The following CADPS variants were observed in gnomAD, a reference collection of about 807,000 sequenced individuals.
The protein encoded by CADPS is calcium dependent secretion activator.
Under a neutral mutation model 167.3 loss-of-function variants are expected in CADPS, and 57 were observed. The observed-to-expected ratio is 0.34, with a 90% CI of 0.28 to 0.42. The LOEUF is 0.42. Among genes scored for constraint, CADPS ranks in the 20% least tolerant of loss-of-function variants. CADPS has a pLI of 1.00. For synonymous variants in CADPS, 676 were observed against 635.3 expected (o/e 1.06, Z -0.96); for missense variants, 1,414 against 1,738.1 (o/e 0.81, Z 3.32).
At chr3:62,587,289 A>AT (rs1562519281) in intron 7 of CADPS, among the ~76,000 whole-genome samples, 1 of 152,244 alleles carries the variant, frequency 6.6e-6, no homozygotes, top group Non-Finnish European at 1.5e-5. Flanking sequence ...GAACTGCAAC[A>AT]TATCATAGGA....
At chr3:62,405,599 A>G (rs1304219650) in intron 28 of CADPS, among the ~76,000 whole-genome samples, 1 of 152,180 alleles carries the variant, frequency 6.6e-6, no homozygotes, top group Admixed American at 6.5e-5. Flanking sequence ...TCGGCTGCCG[A>G]AAGGATAGGG....
intron 13 of CADPS, among the ~76,000 whole-genome samples, chr3:62,528,759 A>G (rs966388777): frequency 6.6e-6 from 1 of 152,228 alleles, no homozygotes; most frequent in African/African-American, 2.4e-5. Flanking sequence ...AGAGCTTTGG[A>G]CTTAGAACAT....
chr3:62,759,552 A>T (rs995272334), intron 2 of CADPS, among the ~76,000 whole-genome samples: 1 of 152,178 alleles, frequency 6.6e-6, no homozygotes, highest in Admixed American at 6.6e-5. Context: ...AGAGTATGCC[A>T]TTTGTGTGAC....
At chr3:62,445,674 G>T in intron 27 of CADPS, 91 bp downstream of exon 27, 3 of 799,672 alleles carry the variant, frequency 3.8e-6, no homozygotes, top group Admixed American at 3.5e-5. Flanking sequence ...AATATGAGTA[G>T]CACTATCAAA....
chr3:62,799,230 G>T (rs2093625902), intron 1 of CADPS, among the ~76,000 whole-genome samples: 1 of 152,052 alleles, frequency 6.6e-6, no homozygotes, highest in Non-Finnish European at 1.5e-5. Context: ...TAAACAAAAG[G>T]GTTAAGACCC....
intron 13 of CADPS, among the ~76,000 whole-genome samples, chr3:62,527,394 C>T (rs1197196041): frequency 6.6e-5 from 10 of 152,006 alleles, no homozygotes; most frequent in Admixed American, 2.6e-4. Flanking sequence ...ACCACTCCAC[C>T]CCAGCTGTGG....
intron 1 of CADPS, among the ~76,000 whole-genome samples, chr3:62,869,518 T>G (rs890511227): frequency 1.3e-5 from 2 of 152,174 alleles, no homozygotes; most frequent in Non-Finnish European, 2.9e-5. Context: ...TTTAAAGACC[T>G]AACCCTAGTC....
intron 11 of CADPS, among the ~76,000 whole-genome samples, chr3:62,545,864 A>G (rs1044921046): frequency 3.3e-5 from 5 of 152,132 alleles, no homozygotes; most frequent in African/African-American, 1.2e-4. Context: ...TACCCCAAAA[A>G]TATTTCTATA....
chr3:62,548,174 C>T (rs569238270), intron 11 of CADPS, among the ~76,000 whole-genome samples: 1 of 152,088 alleles, frequency 6.6e-6, no homozygotes, highest in African/African-American at 2.4e-5. Context: ...AAATGAATTA[C>T]AAAGGAGCAT....
intron 1 of CADPS, among the ~76,000 whole-genome samples, chr3:62,787,177 C>G (rs978844211): frequency 6.6e-6 from 1 of 152,030 alleles, no homozygotes; most frequent in South Asian, 2.1e-4. Context: ...CACCTGTGGT[C>G]CCACCTACGT....
intron 28 of CADPS, among the ~76,000 whole-genome samples, chr3:62,408,806 T>C (rs1427131837): frequency 6.6e-6 from 1 of 152,192 alleles, no homozygotes; most frequent in Admixed American, 6.5e-5. Context: ...TGAGAGGAGA[T>C]AGAACCACTG....
chr3:62,674,758 G>C (rs1580190287), intron 3 of CADPS, among the ~76,000 whole-genome samples: 1 of 152,066 alleles, frequency 6.6e-6, no homozygotes. Flanking sequence ...AAGGTATCAG[G>C]GGTATCATCT....
intron 1 of CADPS, among the ~76,000 whole-genome samples, chr3:62,832,399 A>G (rs891091650): frequency 2.0e-5 from 3 of 152,228 alleles, no homozygotes; most frequent in Admixed American, 6.5e-5. Flanking sequence ...ACACAGAATA[A>G]TAATGTCAAA....
intron 12 of CADPS, among the ~76,000 whole-genome samples, chr3:62,534,024 C>T (rs2074229012): frequency 6.6e-6 from 1 of 152,080 alleles, no homozygotes; most frequent in African/African-American, 2.4e-5. Flanking sequence ...AATTGCTAGC[C>T]CCATTACGCA....
intron 13 of CADPS, among the ~76,000 whole-genome samples, chr3:62,521,556 T>C (rs2070598064): frequency 6.6e-6 from 1 of 152,168 alleles, no homozygotes; most frequent in Non-Finnish European, 1.5e-5. Context: ...CAATGCTAAA[T>C]CACTAAAGGA....
intron 1 of CADPS, among the ~76,000 whole-genome samples, chr3:62,871,358 CT>C (rs1316233653): frequency 6.6e-6 from 1 of 152,092 alleles, no homozygotes; most frequent in Admixed American, 6.5e-5. Context: ...AGAAGTTATA[CT>C]TAAGCATCCA....
At chr3:62,728,974 C>G (rs2077247706) in intron 3 of CADPS, among the ~76,000 whole-genome samples, 1 of 151,832 alleles carries the variant, frequency 6.6e-6, no homozygotes, top group East Asian at 1.9e-4. Flanking sequence ...CTTTTCTCAT[C>G]TATAAAATGG....
chr3:62,744,511 A>G (rs926426588), intron 3 of CADPS, among the ~76,000 whole-genome samples: 1 of 152,230 alleles, frequency 6.6e-6, no homozygotes, highest in African/African-American at 2.4e-5. Flanking sequence ...AATTATTAGC[A>G]TGGGGAATCT....
At chr3:62,773,521 G>T (rs1559553559) in intron 1 of CADPS, among the ~76,000 whole-genome samples, 2 of 152,056 alleles carry the variant, frequency 1.3e-5, no homozygotes, top group Non-Finnish European at 2.9e-5. Context: ...TTGGAACATG[G>T]TTTCCCAAAA....
Sources: allele counts gnomAD v4.1 joint callset (sites outside exome capture counted in the v4.1 genomes callset), GRCh38; gene constraint gnomAD v4.1.1; transcripts MANE v1.5; gene names NCBI Gene and HGNC (gene_info 2026-07-23, HGNC 2026-07-21).